Variants in UTRN observed in about 807,000 individuals in gnomAD.
UTRN encodes utrophin, also known as dystrophin-related protein 1.
A neutral mutation model predicts 463.9 loss-of-function variants in UTRN; 283 were observed. The observed-to-expected ratio is 0.61, with a 90% confidence interval of 0.55 to 0.67. The LOEUF is 0.67. Ranked by LOEUF, UTRN falls within the 30% of genes least tolerant of loss-of-function variation. The probability of loss-of-function intolerance (pLI) is 0.00; values close to 1 mark genes in which losing one functional copy is unlikely to be tolerated. For synonymous variants in UTRN, 1,442 were observed against 1,431.5 expected (o/e 1.01, Z -0.17); for missense variants, 3,922 against 4,084.3 (o/e 0.96, Z 1.08).
chr6:144,370,988 G>C lies in UTRN; in HGVS notation c.80-32135G>C, dbSNP rs190554053. Among the ~76,000 whole-genome samples the C allele has an allele frequency of 2.6e-5, 4 of 152,252 alleles. No homozygotes were observed. In the East Asian group the frequency reaches 7.7e-4, roughly 29 times the overall value. On this transcript the variant is annotated intron_variant, in intron 2 of 74. Coordinates refer to ENST00000367545, the MANE Select transcript of UTRN (RefSeq NM_007124.3). ...CTCACCTTAAGACACCTGCATTACT[G>C]TTTGACAGGTGTACTGCCCCAGTCA...
At chr6:144,323,728 A>C (rs1775807932) in intron 2 of UTRN, among the ~76,000 whole-genome samples, 1 of 152,118 alleles carries the variant, frequency 6.6e-6, no homozygotes, top group African/African-American at 2.4e-5. Context: ...TATGGGCAAA[A>C]TATTTTTTAC....
At chr6:144,517,019 C>A (rs1795675561) in intron 39 of UTRN, 71 bp downstream of exon 39, 1 of 1,297,112 alleles carries the variant, frequency 7.7e-7, no homozygotes, top group East Asian at 2.8e-5. Flanking sequence ...ATGTGTGATG[C>A]TGCATCACAG....
intron 34 of UTRN, among the ~76,000 whole-genome samples, chr6:144,510,296 T>C (rs1328928026): frequency 2.0e-5 from 3 of 152,218 alleles, no homozygotes; most frequent in Non-Finnish European, 4.4e-5. Flanking sequence ...TGGTGAAACT[T>C]ACGAATGTGC....
At chr6:144,290,610 A>T (rs906925929) in intron 1 of UTRN, among the ~76,000 whole-genome samples, 3 of 152,234 alleles carry the variant, frequency 2.0e-5, no homozygotes, top group Non-Finnish European at 4.4e-5. Flanking sequence ...ATTCTCAGAC[A>T]TACAGAAGAG....
intron 2 of UTRN, among the ~76,000 whole-genome samples, chr6:144,352,130 C>T (rs1778161020): frequency 6.6e-6 from 1 of 152,132 alleles, no homozygotes; most frequent in African/African-American, 2.4e-5. Context: ...GAAATTTATT[C>T]CCCTAGCAAA....
intron 74 of UTRN, among the ~76,000 whole-genome samples, chr6:144,847,561 C>G (rs902621704): frequency 6.6e-6 from 1 of 151,994 alleles, no homozygotes; most frequent in Admixed American, 6.6e-5. Context: ...ATAAGGTATG[C>G]CTAGAGTAGA....
intron 51 of UTRN, among the ~76,000 whole-genome samples, chr6:144,600,687 G>A (rs1051847186): frequency 2.0e-5 from 3 of 152,242 alleles, no homozygotes; most frequent in African/African-American, 4.8e-5. Flanking sequence ...AAATGCTGAT[G>A]TTGAAGCTGC....
At chr6:144,775,955 A>G (rs1027303569) in intron 60 of UTRN, among the ~76,000 whole-genome samples, 5 of 152,202 alleles carry the variant, frequency 3.3e-5, no homozygotes, top group Non-Finnish European at 7.3e-5. Context: ...GGTAATGACA[A>G]TTAAACAACT....
intron 34 of UTRN, among the ~76,000 whole-genome samples, 190 bp from the exon 35 acceptor site, chr6:144,510,754 C>A (rs1014770076): frequency 9.2e-5 from 14 of 152,064 alleles, no homozygotes; most frequent in African/African-American, 3.1e-4. Flanking sequence ...TTTTGTTTTC[C>A]ATTTGGAACT....
intron 34 of UTRN, among the ~76,000 whole-genome samples, chr6:144,508,826 A>G (rs1009773417): frequency 3.2e-4 from 48 of 152,114 alleles, no homozygotes; most frequent in African/African-American, 1.1e-3. Context: ...TCTTAGTGCT[A>G]TTGGTTGAGT....
chr6:144,444,831 ATTAT>A (rs1787505657), intron 14 of UTRN, among the ~76,000 whole-genome samples: 1 of 152,346 alleles, frequency 6.6e-6, no homozygotes, highest in South Asian at 2.1e-4. Context: ...ATGAGAAAAT[ATTAT>A]TTAGTCACAC....
At chr6:144,335,641 C>T (rs1268425010) in intron 2 of UTRN, among the ~76,000 whole-genome samples, 1 of 152,216 alleles carries the variant, frequency 6.6e-6, no homozygotes, top group Admixed American at 6.5e-5. Context: ...CTGCTTAAAC[C>T]TATCAGCTGC....
intron 53 of UTRN, among the ~76,000 whole-genome samples, chr6:144,710,410 C>G (rs1785552823): frequency 6.6e-6 from 1 of 152,168 alleles, no homozygotes; most frequent in Non-Finnish European, 1.5e-5. Flanking sequence ...AGACTCAGCT[C>G]AAAACCCTTC....
chr6:144,693,412 C>CT (rs1783641589), intron 52 of UTRN, among the ~76,000 whole-genome samples: 1 of 152,024 alleles, frequency 6.6e-6, no homozygotes, highest in Non-Finnish European at 1.5e-5. Flanking sequence ...AAATAGTTTT[C>CT]TCTAGTTCTG....
chr6:144,306,087 G>A (rs559411548), intron 2 of UTRN, among the ~76,000 whole-genome samples: 46 of 152,252 alleles, frequency 3.0e-4, no homozygotes, highest in South Asian at 8.3e-4. Context: ...ACCACAAACC[G>A]TAGCTGTAAT....
At chr6:144,287,032 C>T (rs2114498585) in intron 1 of UTRN, among the ~76,000 whole-genome samples, 1 of 152,202 alleles carries the variant, frequency 6.6e-6, no homozygotes, top group African/African-American at 2.4e-5. Context: ...CTCCCGGCCG[C>T]CCGGCCGGGC....
chr6:144,746,527 C>T (rs1279234175), intron 54 of UTRN, among the ~76,000 whole-genome samples: 1 of 151,580 alleles, frequency 6.6e-6, no homozygotes, highest in Non-Finnish European at 1.5e-5. Context: ...CTCTGGCACC[C>T]AGGCAATGGC....
chr6:144,605,631 T>A (rs2128639098), intron 51 of UTRN, among the ~76,000 whole-genome samples: 1 of 152,144 alleles, frequency 6.6e-6, no homozygotes, highest in African/African-American at 2.4e-5. Flanking sequence ...TACAGTCCTA[T>A]TTCTTGCAGC....
intron 58 of UTRN, among the ~76,000 whole-genome samples, chr6:144,760,494 A>G (rs1239002233): frequency 6.6e-6 from 1 of 152,238 alleles, no homozygotes; most frequent in Non-Finnish European, 1.5e-5. Flanking sequence ...ATTTGTATAT[A>G]GCAAATTCCC....
Sources: allele counts gnomAD v4.1 joint callset (sites outside exome capture counted in the v4.1 genomes callset), GRCh38; gene constraint gnomAD v4.1.1; transcripts MANE v1.5; gene names NCBI Gene and HGNC (gene_info 2026-07-23, HGNC 2026-07-21).